GPR149: variants seen among roughly 807,000 people sequenced by gnomAD.
The protein encoded by GPR149 is G protein-coupled receptor 149, also known as probable G protein-coupled receptor 149.
A neutral mutation model predicts 50.2 loss-of-function variants in GPR149; 50 were observed. The ratio of observed to expected loss-of-function variants is 1.00; its 90% CI spans 0.79 to 1.26. The LOEUF (loss-of-function observed/expected upper bound fraction) is 1.26. Ranked by LOEUF, GPR149 falls within the 50% of genes most tolerant of loss-of-function variation. The pLI is 0.00. For missense variants in GPR149, 983 were observed against 895.4 expected, an observed-to-expected ratio of 1.10 and a Z score of -1.25; for synonymous variants, 405 against 358.2, an observed-to-expected ratio of 1.13 and a Z score of -1.48.
chr3:154,386,334 C>T (rs16823956), intron 3 of GPR149, among the ~76,000 whole-genome samples: 1,820 of 152,284 alleles, frequency 0.012, 21 homozygotes, highest in African/African-American at 0.042. Flanking sequence ...TTTCTAAAGA[C>T]GCAAGAATGT....
chr3:154,394,795 A>G (rs1394879529), intron 3 of GPR149, among the ~76,000 whole-genome samples: 1 of 152,134 alleles, frequency 6.6e-6, no homozygotes, highest in Non-Finnish European at 1.5e-5. Context: ...AGACATACAA[A>G]TGGCCAACAG....
In GPR149 at chr3:154,337,634, C is replaced by T; in HGVS notation, c.*65G>A. The T allele has an allele frequency of 8.3e-7, 1 of 1,198,180 alleles. No individual in the cohort carries two copies. Among genetic ancestry groups the T allele is most frequent in the Non-Finnish European group, 1.2e-6 (1 of 855,866 alleles). 74.2% of individuals were successfully genotyped at this position (1,198,180 alleles called of 1,614,324 possible). The stretch of plus-strand genomic sequence containing the variant: ...AAATAAAAGGAAATCAGTCTCATAA[C>T]AAAGGTGTTAGTTTCACAGTTGACG... On this transcript the variant is annotated 3_prime_UTR_variant, in exon 4 of 4. Transcript: ENST00000389740.
intron 3 of GPR149, among the ~76,000 whole-genome samples, chr3:154,377,607 C>A (rs1463860189): frequency 1.3e-5 from 2 of 152,012 alleles, no homozygotes; most frequent in Non-Finnish European, 1.5e-5. Flanking sequence ...CTCACGTGAT[C>A]CCTTCGTCTC....
chr3:154,410,071 T>C (rs917125663), intron 3 of GPR149, among the ~76,000 whole-genome samples: 1 of 152,190 alleles, frequency 6.6e-6, no homozygotes, highest in Non-Finnish European at 1.5e-5. Flanking sequence ...ATTGGGGTCC[T>C]ACTTTTAGCC....
At chr3:154,393,897 A>G (rs1218232884) in intron 3 of GPR149, among the ~76,000 whole-genome samples, 1 of 151,974 alleles carries the variant, frequency 6.6e-6, no homozygotes, top group African/African-American at 2.4e-5. Flanking sequence ...AACTCTATAA[A>G]CCACTGACAA....
intron 3 of GPR149, among the ~76,000 whole-genome samples, chr3:154,339,678 G>A (rs1387590685): frequency 1.3e-5 from 2 of 151,676 alleles, no homozygotes; most frequent in African/African-American, 4.8e-5. Flanking sequence ...GTGGCTAGAC[G>A]AAGACAGGTT....
intron 3 of GPR149, among the ~76,000 whole-genome samples, chr3:154,414,227 G>A (rs1160562074): frequency 6.6e-6 from 1 of 151,504 alleles, no homozygotes; most frequent in East Asian, 1.9e-4. Flanking sequence ...TCGGGTGATG[G>A]GTGCACCAAA....
intron 3 of GPR149, among the ~76,000 whole-genome samples, chr3:154,397,859 C>T (rs1242303353): frequency 2.0e-5 from 3 of 152,030 alleles, no homozygotes; most frequent in African/African-American, 7.2e-5. Flanking sequence ...TTATCTTACT[C>T]ATTAGTATAT....
intron 3 of GPR149, among the ~76,000 whole-genome samples, chr3:154,358,066 C>G (rs9859107): frequency 0.24 from 36,360 of 151,246 alleles, 4,623 homozygotes; most frequent in South Asian, 0.32. Context: ...TGCATGTTCT[C>G]ACTCATAGGT....
Position 154,387,388 on chromosome 3 carries a change from G to T in GPR149, c.1623+33651C>A, listed in dbSNP as rs557928478. ...TGAGAACAAGGGCTTGGTCTTATTT[G>T]GCACTGAATGTTTCAGACCCAGCCT... On this transcript the variant is annotated intron_variant, in intron 3 of 3. Coordinates refer to ENST00000389740, the MANE Select transcript of GPR149 (RefSeq NM_001038705.3). Among the ~76,000 whole-genome samples, 4 of 152,208 alleles carry T rather than the reference G, an allele frequency of 2.6e-5. No homozygotes were observed. The South Asian group carries it at 8.3e-4, about 32-fold the overall frequency.
intron 3 of GPR149, among the ~76,000 whole-genome samples, chr3:154,374,522 G>A (rs2108403036): frequency 6.6e-6 from 1 of 152,164 alleles, no homozygotes; most frequent in East Asian, 1.9e-4. Flanking sequence ...GTAGCTGAAG[G>A]TGAGGGCTCT....
chr3:154,391,655 G>A (rs940335626), intron 3 of GPR149, among the ~76,000 whole-genome samples: 1 of 151,648 alleles, frequency 6.6e-6, no homozygotes, highest in African/African-American at 2.4e-5. Context: ...AAGACATAAT[G>A]TAGCTGAATG....
intron 3 of GPR149, chr3:154,352,802 A>G: frequency 1.2e-6 from 1 of 839,292 alleles, no homozygotes. Context: ...ACACCTACAC[A>G]TTTAAAAGTA....
rs141279677 is a variant in GPR149 at position 154,347,593 on chromosome 3, G to A, written c.1624-9322C>T. Among the ~76,000 whole-genome samples, 247 of 152,278 alleles carry A rather than the reference G, an allele frequency of 1.6e-3. 1 individual carries two copies. The highest frequency in any genetic ancestry group is 5.8e-3 in the African/African-American group (239 of 41,560). On this transcript the variant is annotated intron_variant, in intron 3 of 3. Transcript: ENST00000389740. ...ATTACATGTGAAATCTACTACATGC[G>A]AAATATATAATATAATCACACGGGT...
At chr3:154,420,424 T>A (rs907509183) in intron 3 of GPR149, among the ~76,000 whole-genome samples, 1 of 152,034 alleles carries the variant, frequency 6.6e-6, no homozygotes, top group Non-Finnish European at 1.5e-5. Context: ...CAAATTCTTT[T>A]AGTTTTATAA....
At chr3:154,409,247 C>A (rs1711773576) in intron 3 of GPR149, among the ~76,000 whole-genome samples, 2 of 152,186 alleles carry the variant, frequency 1.3e-5, no homozygotes, top group Admixed American at 1.3e-4. Context: ...AATTCCAGAT[C>A]TTCCCTCTGA....
intron 3 of GPR149, among the ~76,000 whole-genome samples, chr3:154,415,176 T>C (rs1035936299): frequency 2.0e-5 from 3 of 151,854 alleles, no homozygotes; most frequent in Non-Finnish European, 4.4e-5. Context: ...CACAGCTGGG[T>C]CATTTCAGTA....
At chr3:154,396,025 A>G (rs1004334909) in intron 3 of GPR149, among the ~76,000 whole-genome samples, 8 of 152,190 alleles carry the variant, frequency 5.3e-5, no homozygotes, top group Non-Finnish European at 1.0e-4. Flanking sequence ...GGTGGTCTGA[A>G]TTCTGAGATT....
chr3:154,358,965 C>A (rs1236875493), intron 3 of GPR149, among the ~76,000 whole-genome samples: 1 of 152,116 alleles, frequency 6.6e-6, no homozygotes, highest in Non-Finnish European at 1.5e-5. Flanking sequence ...AAAGAACATG[C>A]ACCAAGAAGT....
Sources: gnomAD v4.1 joint callset for allele counts (sites outside exome capture counted in the v4.1 genomes callset) on GRCh38, gnomAD v4.1.1 for gene constraint, MANE v1.5 for transcripts, NCBI Gene and HGNC (gene_info 2026-07-23, HGNC 2026-07-21) for gene names.